DSCAM: variants seen among roughly 807,000 people sequenced by gnomAD.
DSCAM encodes DS cell adhesion molecule.
In DSCAM, 47 loss-of-function variants were observed where a neutral mutation model predicts 217.7. That is an observed-to-expected ratio of 0.22 (90% confidence interval 0.17 to 0.28). The LOEUF is 0.28. Among genes scored for constraint, DSCAM ranks in the 10% least tolerant of loss-of-function variants. DSCAM has a pLI of 1.00. For missense variants in DSCAM, 2,080 were observed against 2,618.3 expected (o/e 0.79, Z 4.49); for synonymous variants, 1,056 against 1,015.3 (o/e 1.04, Z -0.76).
chr21:40,711,014 CACTTGACCAAGGACACAGGATACAGGCT>C (rs2090773753), intron 1 of DSCAM, among the ~76,000 whole-genome samples: 1 of 117,618 alleles, frequency 8.5e-6, no homozygotes, highest in Admixed American at 9.7e-5. Flanking sequence ...ACAGGGCTGT[CACTTGACCAAGGACACAGGATACAGGCT>C]GTCACTTGAG....
intron 16 of DSCAM, among the ~76,000 whole-genome samples, chr21:40,148,822 A>C (rs925400993): frequency 5.9e-5 from 9 of 152,172 alleles, no homozygotes; most frequent in African/African-American, 2.2e-4. Context: ...CACTGACATC[A>C]CCAACATTAC....
chr21:40,173,114 C>G (rs1431350071), intron 15 of DSCAM, among the ~76,000 whole-genome samples: 4 of 152,166 alleles, frequency 2.6e-5, no homozygotes, highest in Non-Finnish European at 5.9e-5. Context: ...GTGAGCAGAA[C>G]AAGCAACTCC....
rs537057770 is a variant in DSCAM at position 40,690,029 on chromosome 21, G to T, written c.508+2781C>A. On this transcript the variant is annotated intron_variant, in intron 3 of 32. Coordinates refer to ENST00000400454, the MANE Select transcript of DSCAM (RefSeq NM_001389.5). Reference sequence around the variant, plus strand: ...CGGCCTCCACCCCGGCACAGCCTGGGTGATGGGGGAGGGAGGCTGTCCTCT... The same window carrying T: ...CGGCCTCCACCCCGGCACAGCCTGGTTGATGGGGGAGGGAGGCTGTCCTCT... Among the ~76,000 whole-genome samples, 3 of 152,316 alleles carry T rather than the reference G, an allele frequency of 2.0e-5. No individual in the cohort carries two copies. The East Asian group carries it at 5.8e-4, about 30-fold the overall frequency.
chr21:40,376,207 C>T (rs1414288799), intron 3 of DSCAM, among the ~76,000 whole-genome samples: 1 of 152,114 alleles, frequency 6.6e-6, no homozygotes, highest in Non-Finnish European at 1.5e-5. Flanking sequence ...CTTTTCTCAG[C>T]TGCGCCTGCC....
chr21:40,203,625 T>A (rs1195728034), intron 11 of DSCAM, among the ~76,000 whole-genome samples: 1 of 152,224 alleles, frequency 6.6e-6, no homozygotes, highest in African/African-American at 2.4e-5. Flanking sequence ...GAATCATCTA[T>A]CAAATGGGTG....
At chr21:40,538,634 CTTTAT>C (rs1219030560) in intron 3 of DSCAM, among the ~76,000 whole-genome samples, 1 of 152,118 alleles carries the variant, frequency 6.6e-6, no homozygotes, top group African/African-American at 2.4e-5. Flanking sequence ...TATTATTTTA[CTTTAT>C]TTTAATTTTC....
rs1555845575 is a variant in DSCAM, at chr21:40,493,879, A to AAAAAT, written c.509-124635_509-124634insATTTT. Reference sequence around the variant, plus strand: ...ACTCCATCTCAAAAAAAAAAAAAAAAATATATACATATATATACATATATA... The same window carrying AAAAAT: ...ACTCCATCTCAAAAAAAAAAAAAAAAAAAATATATATACATATATATACATATATA... On this transcript the variant is annotated intron_variant, in intron 3 of 32. Transcript: ENST00000400454. Among the ~76,000 whole-genome samples the AAAAAT allele has an allele frequency of 1.5e-5, 2 of 135,556 alleles. 1 individual carries two copies. The highest frequency in any genetic ancestry group is 5.4e-5 in the African/African-American group (2 of 36,938). 88.9% of individuals were successfully genotyped at this position (135,556 alleles called of 152,430 possible).
chr21:40,601,187 G>A (rs148672606), intron 3 of DSCAM, among the ~76,000 whole-genome samples: 6 of 152,210 alleles, frequency 3.9e-5, no homozygotes, highest in Admixed American at 1.3e-4. Context: ...TATATATCTT[G>A]TCTATTTCAT....
intron 1 of DSCAM, among the ~76,000 whole-genome samples, chr21:40,809,699 T>G (rs2091820447): frequency 1.3e-5 from 2 of 152,188 alleles, no homozygotes; most frequent in Admixed American, 1.3e-4. Context: ...CTTTGTTATA[T>G]TCATAGCAAG....
intron 3 of DSCAM, among the ~76,000 whole-genome samples, chr21:40,524,665 C>CT (rs897792771): frequency 2.0e-5 from 3 of 152,008 alleles, no homozygotes; most frequent in African/African-American, 7.3e-5. Context: ...TCAGGGAAAA[C>CT]TTTTTTTAAA....
chr21:40,678,358 C>T (rs1166387615), intron 3 of DSCAM, among the ~76,000 whole-genome samples: 1 of 152,212 alleles, frequency 6.6e-6, no homozygotes, highest in Non-Finnish European at 1.5e-5. Context: ...AGTGCAGACA[C>T]AACCACCACA....
chr21:40,648,610 T>G (rs772549741), intron 3 of DSCAM, among the ~76,000 whole-genome samples: 5 of 152,190 alleles, frequency 3.3e-5, no homozygotes, highest in Non-Finnish European at 4.4e-5. Flanking sequence ...CTATTTTACA[T>G]ATACCTATCC....
chr21:40,125,237 T>G (rs1191559901), intron 19 of DSCAM, among the ~76,000 whole-genome samples: 1 of 152,232 alleles, frequency 6.6e-6, no homozygotes, highest in Admixed American at 6.5e-5. Context: ...AAGCATGATT[T>G]GGGAGTGAGA....
At chr21:40,328,799 A>G (rs1009903043) in intron 8 of DSCAM, among the ~76,000 whole-genome samples, 1 of 152,092 alleles carries the variant, frequency 6.6e-6, no homozygotes, top group African/African-American at 2.4e-5. Flanking sequence ...CAATAGCAAG[A>G]AAACAACCTG....
chr21:40,065,274 G>A (rs2089190559), intron 27 of DSCAM, among the ~76,000 whole-genome samples: 1 of 151,974 alleles, frequency 6.6e-6, no homozygotes, highest in Admixed American at 6.6e-5. Context: ...CATTAGGTGA[G>A]GCTGTTCAGA....
At chr21:40,478,622 G>A (rs982871773) in intron 3 of DSCAM, among the ~76,000 whole-genome samples, 13 of 152,118 alleles carry the variant, frequency 8.5e-5, no homozygotes, top group Admixed American at 5.9e-4. Flanking sequence ...TTCAGGTGTT[G>A]AACTGAGATT....
intron 11 of DSCAM, among the ~76,000 whole-genome samples, chr21:40,219,675 C>A (rs570071187): frequency 1.2e-4 from 18 of 152,022 alleles, no homozygotes; most frequent in African/African-American, 4.3e-4. Flanking sequence ...ATTTTCCTGC[C>A]AAATGATATA....
chr21:40,624,101 C>T (rs2089564873), intron 3 of DSCAM, among the ~76,000 whole-genome samples: 1 of 152,120 alleles, frequency 6.6e-6, no homozygotes, highest in African/African-American at 2.4e-5. Flanking sequence ...GGGCTTCCTG[C>T]CTAACAGGGA....
chr21:40,372,494 C>G (rs1451317666), intron 3 of DSCAM, among the ~76,000 whole-genome samples: 4 of 152,160 alleles, frequency 2.6e-5, no homozygotes, highest in Non-Finnish European at 5.9e-5. Context: ...GCCTACTGAA[C>G]AGGGAATGAT....
Sources: gnomAD v4.1 joint callset for allele counts (sites outside exome capture counted in the v4.1 genomes callset) on GRCh38, gnomAD v4.1.1 for gene constraint, MANE v1.5 for transcripts, NCBI Gene and HGNC (gene_info 2026-07-23, HGNC 2026-07-21) for gene names.